Variants in ZNF723 observed in about 807,000 individuals in gnomAD.
ZNF723 encodes the protein zinc finger protein 723, also known as zinc finger protein 723, pseudogene.
ZNF723 carries 5 observed loss-of-function variants against 9.4 expected under a neutral mutation model. The ratio of observed to expected loss-of-function variants is 0.53; its 90% CI spans 0.28 to 1.12. ZNF723 has a LOEUF of 1.12. ZNF723 is among the 50% of genes most tolerant of loss of function. ZNF723 has a pLI of 0.10. For synonymous variants in ZNF723, 158 were observed against 168.8 expected (o/e 0.94, Z 0.49); for missense variants, 450 against 501.5 (o/e 0.90, Z 0.98).
Position 22,858,115 on chromosome 19 carries a change from A to G in ZNF723, c.1224A>G (p.Gln408=), listed in dbSNP as rs554885602. 1.2e-5 allele frequency: 17 copies of G among 1,457,822 alleles called. No individual in the cohort carries two copies. In the Admixed American group the frequency reaches 1.2e-4, roughly 10 times the overall value. The allele number at this position is 1,457,822 out of a possible 1,614,324, so 90.3% of individuals were successfully genotyped here. The change falls in exon 4 of 4, where the codon CAA becomes CAG. Residue 408 remains glutamine, a synonymous_variant. Coordinates refer to ENST00000600766, the MANE Select transcript of ZNF723 (RefSeq NM_001349726.2). ...AAGAATGTGGCAAAGCCTTTAACCA[A>G]TCCTCAGCCCTTACTACACATAAGA... is the stretch of plus-strand genomic sequence containing the variant. The part of the protein sequence containing the change: ...KCEECGKAFN[Q]SSALTTHKII...
At chr19:22,839,987 A>C (rs1439088267) in intron 1 of ZNF723, among the ~76,000 whole-genome samples, 1 of 148,860 alleles carries the variant, frequency 6.7e-6, no homozygotes, top group Non-Finnish European at 1.5e-5. Context: ...TTGTAAATTT[A>C]TTTAAGTATT....
upstream of ZNF723, among the ~76,000 whole-genome samples, chr19:22,830,396 G>A (rs1967081337): frequency 6.6e-6 from 1 of 152,142 alleles, no homozygotes; most frequent in Admixed American, 6.5e-5. Flanking sequence ...TTGAACTCCT[G>A]AACCCAAGTG....
chr19:22,828,011 C>A (rs1281592460), upstream of ZNF723, among the ~76,000 whole-genome samples: 1 of 151,926 alleles, frequency 6.6e-6, no homozygotes, highest in Non-Finnish European at 1.5e-5. Flanking sequence ...ACCCGGGAGG[C>A]GGATGTTGCA....
At chr19:22,818,937 G>A in the ZNF723 span, among the ~76,000 whole-genome samples, 1 of 152,074 alleles carries the variant, frequency 6.6e-6, no homozygotes, top group Non-Finnish European at 1.5e-5. Flanking sequence ...CCTACAGAGG[G>A]AATTGTGACA....
intron 1 of ZNF723, among the ~76,000 whole-genome samples, chr19:22,847,035 ATTTT>A (rs142337015): frequency 7.3e-6 from 1 of 137,278 alleles, no homozygotes; most frequent in Non-Finnish European, 1.6e-5. Context: ...TCTCTGACAG[ATTTT>A]TTTTTTTTTT....
chr19:22,823,041 T>C, the ZNF723 span, among the ~76,000 whole-genome samples: 11 of 152,212 alleles, frequency 7.2e-5, no homozygotes, highest in African/African-American at 2.7e-4. Context: ...GACTCACTTC[T>C]GTATCCAACT....
chr19:22,842,232 T>G (rs1182872604), intron 1 of ZNF723, among the ~76,000 whole-genome samples: 1 of 152,192 alleles, frequency 6.6e-6, no homozygotes, highest in African/African-American at 2.4e-5. Flanking sequence ...GTTGAACTCT[T>G]GACCTCAGGT....
At chr19:22,822,794 A>G in the ZNF723 span, among the ~76,000 whole-genome samples, 56,671 of 152,020 alleles carry the variant, frequency 0.37, 11,053 homozygotes, top group African/African-American at 0.51. Context: ...CCTGGGAGGC[A>G]AAGCTTGCAG....
At chr19:22,842,369 TTAA>T (rs762869450) in intron 1 of ZNF723, among the ~76,000 whole-genome samples, 1 of 152,150 alleles carries the variant, frequency 6.6e-6, no homozygotes, top group Non-Finnish European at 1.5e-5. Context: ...TAGCTATAAA[TTAA>T]TAATGCCACA....
chr19:22,838,038 T>A (rs1967189494), intron 1 of ZNF723, among the ~76,000 whole-genome samples: 1 of 152,122 alleles, frequency 6.6e-6, no homozygotes. Context: ...AACTCTTATT[T>A]TTGTTTTAGG....
At chr19:22,815,193 T>A in the ZNF723 span, among the ~76,000 whole-genome samples, 1 of 152,136 alleles carries the variant, frequency 6.6e-6, no homozygotes, top group Non-Finnish European at 1.5e-5. Context: ...ATTTTAGGTA[T>A]TGTTACATAT....
Position 22,857,867 on chromosome 19 carries a change from T to C in ZNF723, c.976T>C (p.Ser326Pro), listed in dbSNP as rs1967504266. 1 of 1,410,682 alleles carries C rather than the reference T, an allele frequency of 7.1e-7. No homozygotes were observed. The highest frequency in any genetic ancestry group is 1.4e-5 in the African/African-American group (1 of 70,838). 87.4% of individuals were successfully genotyped at this position (1,410,682 alleles called of 1,614,324 possible). A position where few individuals can be genotyped will look rare whatever the true frequency, so the allele number is the denominator to read the frequency against. ...ATGTGGCAAAGCCTTTAACCAGCCC[T>C]CACACCTTGCTACACATAAGAGAAT... ...EECGKAFNQPSHLATHKRIHT... is the reference protein window; with the variant it reads ...EECGKAFNQPPHLATHKRIHT... Residue 326 changes from serine to proline, a missense_variant, in exon 4 of 4, where the codon TCA becomes CCA. By Grantham distance (74) the Ser-to-Pro change is moderately conservative. This residue lies in a region of ZNF723 where 237 missense variants were observed against 332.2 expected (regional missense o/e 0.71). Coordinates refer to ENST00000600766, the MANE Select transcript of ZNF723 (RefSeq NM_001349726.2).
At chr19:22,833,610 AT>A (rs60761180) in intron 1 of ZNF723, among the ~76,000 whole-genome samples, 19 of 150,140 alleles carry the variant, frequency 1.3e-4, no homozygotes, top group Admixed American at 2.0e-4. Flanking sequence ...AAGATTATTA[AT>A]TTTTTTTTTC....
At chr19:22,816,857 G>A in the ZNF723 span, among the ~76,000 whole-genome samples, 2 of 152,342 alleles carry the variant, frequency 1.3e-5, no homozygotes, top group South Asian at 2.1e-4. Context: ...CCTTTCCTCT[G>A]CCTACACAAG....
intron 1 of ZNF723, among the ~76,000 whole-genome samples, chr19:22,843,294 A>T (rs767604570): frequency 2.6e-5 from 4 of 152,192 alleles, no homozygotes; most frequent in Admixed American, 2.6e-4. Flanking sequence ...TGTCTTTGAG[A>T]CATTTGAGGA....
At chr19:22,819,081 G>C in the ZNF723 span, among the ~76,000 whole-genome samples, 1 of 152,052 alleles carries the variant, frequency 6.6e-6, no homozygotes, top group Non-Finnish European at 1.5e-5. Flanking sequence ...GCCTGTAGGG[G>C]AGATAGTGAC....
At chr19:22,828,300 GC>G (rs904616543), upstream of ZNF723, among the ~76,000 whole-genome samples, 28 of 152,200 alleles carry the variant, frequency 1.8e-4, no homozygotes, top group African/African-American at 6.7e-4. Flanking sequence ...TGCCACTAAG[GC>G]CTAGAGTTTT....
chr19:22,850,506 T>A (rs1391581629), intron 3 of ZNF723, among the ~76,000 whole-genome samples: 1 of 143,988 alleles, frequency 6.9e-6, no homozygotes, highest in Admixed American at 7.0e-5. Flanking sequence ...TTTTTTTTTT[T>A]CTTTTTACTG....
At chr19:22,854,353 G>A (rs1356915893) in intron 3 of ZNF723, among the ~76,000 whole-genome samples, 1 of 152,060 alleles carries the variant, frequency 6.6e-6, no homozygotes, top group East Asian at 1.9e-4. Context: ...GAATGTGTAT[G>A]TCCGTCTTGC....
Sources: gnomAD v4.1 joint callset for allele counts (sites outside exome capture counted in the v4.1 genomes callset) on GRCh38, gnomAD v4.1.1 for gene constraint, gnomAD v4.1.1 regional missense constraint, MANE v1.5 for transcripts, NCBI Gene and HGNC (gene_info 2026-07-23, HGNC 2026-07-21) for gene names.